The following SYNDIG1L variants were observed in gnomAD, a reference collection of about 807,000 sequenced individuals.
SYNDIG1L encodes synapse differentiation-inducing gene protein 1-like.
Under a neutral mutation model 20.1 loss-of-function variants are expected in SYNDIG1L, and 13 were observed. The ratio of observed to expected loss-of-function variants is 0.65; its 90% CI spans 0.42 to 1.03. The LOEUF (loss-of-function observed/expected upper bound fraction) is 1.03. SYNDIG1L is among the 50% of genes least tolerant of loss of function. SYNDIG1L has a pLI of 0.00. For missense variants in SYNDIG1L, 294 were observed against 305.1 expected, an observed-to-expected ratio of 0.96 and a Z score of 0.27; for synonymous variants, 128 against 129.3, an observed-to-expected ratio of 0.99 and a Z score of 0.07.
At chr14:74,422,795 C>T (rs1326537885) in intron 1 of SYNDIG1L, among the ~76,000 whole-genome samples, 1 of 150,116 alleles carries the variant, frequency 6.7e-6, no homozygotes, top group Non-Finnish European at 1.5e-5. Context: ...CTCACTGCAG[C>T]CTGCACCTCC....
At chr14:74,429,128 G>C (rs984198215), upstream of SYNDIG1L, among the ~76,000 whole-genome samples, 2 of 152,160 alleles carry the variant, frequency 1.3e-5, no homozygotes, top group East Asian at 1.9e-4. Flanking sequence ...AATGGAAAAG[G>C]GAAAGGCCCA....
At chr14:74,460,499 C>G in the SYNDIG1L span, among the ~76,000 whole-genome samples, 1 of 152,222 alleles carries the variant, frequency 6.6e-6, no homozygotes, top group African/African-American at 2.4e-5. Flanking sequence ...GGCTACAACC[C>G]CACGCACTTC....
chr14:74,445,454 TTGTGTGTG>T, the SYNDIG1L span, among the ~76,000 whole-genome samples: 13,581 of 147,822 alleles, frequency 0.092, 871 homozygotes, highest in South Asian at 0.21. Flanking sequence ...GTATTAAAAT[TTGTGTGTG>T]TGTGTGTGTG....
At chr14:74,419,261 A>T (rs576632766) in intron 1 of SYNDIG1L, among the ~76,000 whole-genome samples, 2 of 152,178 alleles carry the variant, frequency 1.3e-5, no homozygotes, top group Admixed American at 6.5e-5. Flanking sequence ...GTCTCTATTT[A>T]TATATGTGTG....
chr14:74,449,138 T>C, the SYNDIG1L span, among the ~76,000 whole-genome samples: 1 of 150,882 alleles, frequency 6.6e-6, no homozygotes, highest in Non-Finnish European at 1.5e-5. Flanking sequence ...GAGGCTGAAG[T>C]GGGAGGATCA....
the SYNDIG1L span, chr14:74,476,386 TG>T: frequency 1.3e-6 from 1 of 772,554 alleles, no homozygotes; most frequent in Non-Finnish European, 2.2e-6. Flanking sequence ...TTCTGCCTGC[TG>T]GCTGCTTATC....
chr14:74,428,340 C>T (rs1275423369), upstream of SYNDIG1L, among the ~76,000 whole-genome samples: 2 of 152,218 alleles, frequency 1.3e-5, no homozygotes, highest in African/African-American at 4.8e-5. Context: ...GGCTTAGGGA[C>T]TGAAGAATCT....
the SYNDIG1L span, among the ~76,000 whole-genome samples, chr14:74,459,256 C>T: frequency 6.6e-6 from 1 of 152,128 alleles, no homozygotes; most frequent in Non-Finnish European, 1.5e-5. Context: ...TGGCTCACAC[C>T]TGTAATCCCA....
At chr14:74,438,350 C>T in the SYNDIG1L span, among the ~76,000 whole-genome samples, 1 of 152,294 alleles carries the variant, frequency 6.6e-6, no homozygotes, top group East Asian at 1.9e-4. Context: ...ACAGCAGTTC[C>T]AACTCCACCT....
intron 1 of SYNDIG1L, among the ~76,000 whole-genome samples, chr14:74,412,357 G>A (rs911135377): frequency 1.3e-5 from 2 of 152,164 alleles, no homozygotes; most frequent in South Asian, 2.1e-4. Flanking sequence ...TGGGGTTGAG[G>A]GCATGTGAGC....
chr14:74,475,996 G>C, the SYNDIG1L span, among the ~76,000 whole-genome samples: 2 of 152,074 alleles, frequency 1.3e-5, no homozygotes, highest in Non-Finnish European at 2.9e-5. Flanking sequence ...AGAGCTTCTG[G>C]GATGTTTTCT....
chr14:74,471,349 C>T, the SYNDIG1L span, among the ~76,000 whole-genome samples: 9 of 152,144 alleles, frequency 5.9e-5, no homozygotes, highest in Non-Finnish European at 1.0e-4. Flanking sequence ...TGTAATACAA[C>T]ACTTTGTGAG....
chr14:74,460,524 C>T, the SYNDIG1L span, among the ~76,000 whole-genome samples: 1 of 152,260 alleles, frequency 6.6e-6, no homozygotes, highest in Non-Finnish European at 1.5e-5. Context: ...TCTCCCCAGC[C>T]TTTCAAACTA....
intron 1 of SYNDIG1L, among the ~76,000 whole-genome samples, chr14:74,411,815 C>T (rs188939622): frequency 5.3e-5 from 8 of 152,302 alleles, no homozygotes; most frequent in African/African-American, 1.9e-4. Flanking sequence ...CCAAGACTGG[C>T]TGCCTCTAAG....
At chr14:74,431,401 T>C in the SYNDIG1L span, among the ~76,000 whole-genome samples, 4 of 152,168 alleles carry the variant, frequency 2.6e-5, no homozygotes, top group African/African-American at 9.7e-5. Context: ...TTATTGGTAC[T>C]AAGAAAACAT....
chr14:74,440,703 A>C, the SYNDIG1L span, among the ~76,000 whole-genome samples: 9 of 151,950 alleles, frequency 5.9e-5, no homozygotes, highest in South Asian at 2.1e-4. Flanking sequence ...AAAAAAAAGT[A>C]TCTCTCAATA....
chr14:74,478,932 TG>T, the SYNDIG1L span, among the ~76,000 whole-genome samples: 193 of 152,194 alleles, frequency 1.3e-3, no homozygotes, highest in African/African-American at 4.2e-3. Context: ...CACAGAGAGA[TG>T]AAGTGATTTC....
the SYNDIG1L span, among the ~76,000 whole-genome samples, chr14:74,459,957 G>T: frequency 6.6e-6 from 1 of 152,146 alleles, no homozygotes; most frequent in Non-Finnish European, 1.5e-5. Context: ...CCTCCCAGAT[G>T]CTTCTAGGAT....
chr14:74,429,821 A>T (rs979697971), upstream of SYNDIG1L, among the ~76,000 whole-genome samples: 2 of 152,226 alleles, frequency 1.3e-5, no homozygotes, highest in Non-Finnish European at 2.9e-5. Context: ...TTAATGCTAG[A>T]GAGAACCCTG....
Sources: allele counts gnomAD v4.1 joint callset (sites outside exome capture counted in the v4.1 genomes callset), GRCh38; gene constraint gnomAD v4.1.1; transcripts MANE v1.5; gene names NCBI Gene and HGNC (gene_info 2026-07-23, HGNC 2026-07-21).